Variants in SPMIP11 observed in about 807,000 individuals in gnomAD.
The protein encoded by SPMIP11 is sperm microtubule inner protein 11.
At chr12:48,744,279 G>T in the SPMIP11 span, among the ~76,000 whole-genome samples, 10 of 148,216 alleles carry the variant, frequency 6.7e-5, no homozygotes, top group African/African-American at 2.5e-4. Context: ...TGTGGTACAC[G>T]CCTGTAATCC....
chr12:48,749,167 CAGG>C, the SPMIP11 span, among the ~76,000 whole-genome samples: 1 of 151,350 alleles, frequency 6.6e-6, no homozygotes, highest in Non-Finnish European at 1.5e-5. Context: ...GAGGCTGAGG[CAGG>C]AGAATCGCTT....
At chr12:48,730,252 G>T in the SPMIP11 span, among the ~76,000 whole-genome samples, 1 of 152,094 alleles carries the variant, frequency 6.6e-6, no homozygotes, top group South Asian at 2.1e-4. Flanking sequence ...AGCCCTCTGT[G>T]GGATGACGGA....
chr12:48,751,832 C>T, the SPMIP11 span, among the ~76,000 whole-genome samples: 5 of 151,972 alleles, frequency 3.3e-5, no homozygotes, highest in South Asian at 4.2e-4. Flanking sequence ...TTTGGGAGGC[C>T]GAGACAGGCA....
chr12:48,770,992 GGC>G, the SPMIP11 span: 1 of 1,608,158 alleles, frequency 6.2e-7, no homozygotes, highest in Non-Finnish European at 8.5e-7. Context: ...AAGGAGACCT[GGC>G]TGTCAAGGCA....
chr12:48,755,649 C>T, the SPMIP11 span, among the ~76,000 whole-genome samples: 23 of 152,162 alleles, frequency 1.5e-4, no homozygotes, highest in Admixed American at 1.0e-3. Flanking sequence ...TGACACTGTC[C>T]AGCACACCTC....
chr12:48,741,474 T>C, the SPMIP11 span, among the ~76,000 whole-genome samples: 2 of 152,190 alleles, frequency 1.3e-5, no homozygotes, highest in Non-Finnish European at 2.9e-5. Flanking sequence ...TAAGCGACAT[T>C]ATATCTTCAG....
the SPMIP11 span, among the ~76,000 whole-genome samples, chr12:48,745,353 A>T: frequency 6.6e-6 from 1 of 152,004 alleles, no homozygotes; most frequent in East Asian, 1.9e-4. Flanking sequence ...TCATACACAA[A>T]AATAAATTCC....
the SPMIP11 span, chr12:48,768,909 T>C: frequency 6.3e-7 from 1 of 1,591,388 alleles, no homozygotes; most frequent in South Asian, 1.2e-5. Flanking sequence ...CCCATGTTCC[T>C]CCCAGCCCCT....
At chr12:48,734,130 G>T in the SPMIP11 span, among the ~76,000 whole-genome samples, 7 of 151,642 alleles carry the variant, frequency 4.6e-5, no homozygotes, top group African/African-American at 1.5e-4. Flanking sequence ...TTAGAGACAG[G>T]GTCTTGCTCT....
chr12:48,759,817 T>A, the SPMIP11 span, among the ~76,000 whole-genome samples: 188 of 150,616 alleles, frequency 1.2e-3, 1 homozygote, highest in African/African-American at 3.9e-3. Flanking sequence ...AAAAAAAAAA[T>A]TTTTTTTTGA....
the SPMIP11 span, among the ~76,000 whole-genome samples, chr12:48,734,206 GT>G: frequency 6.6e-6 from 1 of 152,128 alleles, no homozygotes; most frequent in African/African-American, 2.4e-5. Context: ...CTGGGCTTAA[GT>G]GATCCTCCCA....
the SPMIP11 span, chr12:48,727,543 C>T: frequency 4.3e-6 from 3 of 702,900 alleles, no homozygotes; most frequent in South Asian, 3.0e-5. Context: ...AGAAAAGGAA[C>T]ACAACTGAAG....
chr12:48,766,191 G>T, the SPMIP11 span: 2 of 152,818 alleles, frequency 1.3e-5, no homozygotes, highest in South Asian at 2.1e-4. Flanking sequence ...AGAGAACAGA[G>T]AATTTTACAA....
chr12:48,754,986 C>A, the SPMIP11 span, among the ~76,000 whole-genome samples: 1 of 149,962 alleles, frequency 6.7e-6, no homozygotes, highest in Non-Finnish European at 1.5e-5. Context: ...AGGTAGATTT[C>A]TGGGAGGCAC....
At chr12:48,765,004 G>A in the SPMIP11 span, 7 of 702,276 alleles carry the variant, frequency 1.0e-5, no homozygotes, top group Admixed American at 2.0e-5. Flanking sequence ...AGGTTAGGCT[G>A]GGAGGGGTAA....
chr12:48,759,244 A>G, the SPMIP11 span: 1 of 702,876 alleles, frequency 1.4e-6, no homozygotes, highest in African/African-American at 1.7e-5. Context: ...GCTTCCCCCC[A>G]TTATCTCAAA....
the SPMIP11 span, among the ~76,000 whole-genome samples, chr12:48,757,429 T>C: frequency 3.3e-5 from 5 of 150,624 alleles, no homozygotes; most frequent in African/African-American, 1.2e-4. Flanking sequence ...AGGTGGATCA[T>C]GAGGTCAGGA....
chr12:48,742,479 A>G, the SPMIP11 span, among the ~76,000 whole-genome samples: 1 of 150,958 alleles, frequency 6.6e-6, no homozygotes, highest in Non-Finnish European at 1.5e-5. Context: ...ACGGGGTTTT[A>G]CCATGTTGGT....
chr12:48,770,869 C>T, the SPMIP11 span: 16 of 1,614,116 alleles, frequency 9.9e-6, no homozygotes, highest in Non-Finnish European at 1.2e-5. Flanking sequence ...GGGAGCGGCC[C>T]ACCTGATCGT....
Sources: gnomAD v4.1 joint callset for allele counts (sites outside exome capture counted in the v4.1 genomes callset) on GRCh38, gnomAD v4.1.1 for gene constraint, MANE v1.5 for transcripts, NCBI Gene and HGNC (gene_info 2026-07-23, HGNC 2026-07-21) for gene names.